Variants in COL23A1 observed in about 807,000 individuals in gnomAD.
The protein encoded by COL23A1 is collagen alpha-1(XXIII) chain.
In COL23A1, 97 loss-of-function variants were observed where a neutral mutation model predicts 99.3. The ratio of observed to expected loss-of-function variants is 0.98; its 90% CI spans 0.83 to 1.16. The LOEUF is 1.16. Among genes scored for constraint, COL23A1 ranks in the 50% most tolerant of loss-of-function variants. The pLI is 0.00. For synonymous variants in COL23A1, 320 were observed against 308.2 expected (o/e 1.04, Z -0.40); for missense variants, 762 against 757.4 (o/e 1.01, Z -0.07).
Position 178,562,019 on chromosome 5 carries a change from A to T in COL23A1, c.295-1271T>A, listed in dbSNP as rs1291222328. Reference sequence around the variant, plus strand: ...AGCGAAGCAGATCCTAAAACAGAAGAAGTTACCACGGTCAAAGTGTGTCTG... The same window carrying T: ...AGCGAAGCAGATCCTAAAACAGAAGTAGTTACCACGGTCAAAGTGTGTCTG... On this transcript the variant is annotated intron_variant, in intron 1 of 28. Coordinates refer to ENST00000390654, the MANE Select transcript of COL23A1 (RefSeq NM_173465.4). 4 of 510,194 alleles carry T rather than the reference A, an allele frequency of 7.8e-6. No individual in the cohort carries two copies. The East Asian group carries it at 1.5e-4, about 20-fold the overall frequency. The allele number at this position is 510,194 out of a possible 1,614,324, so 31.6% of individuals were successfully genotyped here.
In COL23A1 at chr5:178,306,202, A is replaced by C. The variant is rs945754585; in HGVS notation, c.406+673T>G. ...GCAGCCCAGACAGCCGGGACTGCCC[A>C]GCATGGGGGAGTGGCCAAGGGTGGG... On this transcript the variant is annotated intron_variant, in intron 3 of 28. Coordinates refer to ENST00000390654, the MANE Select transcript of COL23A1 (RefSeq NM_173465.4). This position sits in a 1 kb window ranked among gnomAD's most constrained non-coding sequence, Gnocchi z 4.1. Among the ~76,000 whole-genome samples the C allele has an allele frequency of 6.6e-6, 1 of 152,160 alleles. No individual in the cohort carries two copies. The highest frequency in any genetic ancestry group is 1.9e-4 in the East Asian group (1 of 5,180).
At chr5:178,575,458 C>T (rs1352565368) in intron 1 of COL23A1, among the ~76,000 whole-genome samples, 3 of 152,094 alleles carry the variant, frequency 2.0e-5, no homozygotes, top group Non-Finnish European at 2.9e-5. Flanking sequence ...GTTAATTTGC[C>T]GTTCACAACA....
At chr5:178,456,074 C>T (rs1464110397) in intron 2 of COL23A1, among the ~76,000 whole-genome samples, 3 of 152,162 alleles carry the variant, frequency 2.0e-5, no homozygotes, top group Non-Finnish European at 4.4e-5. Flanking sequence ...CAAACAATTT[C>T]GGGTACAATA....
Position 178,307,740 on chromosome 5 carries a change from C to T in COL23A1, c.362-821G>A, listed in dbSNP as rs1348931468. Among the ~76,000 whole-genome samples, 4 of 152,366 alleles carry T rather than the reference C, an allele frequency of 2.6e-5. No individual in the cohort carries two copies. The highest frequency in any genetic ancestry group is 4.8e-5 in the African/African-American group (2 of 41,572). Reference sequence around the variant, plus strand: ...TGCCATCCTTCCTGGCGCCCCTTCTCGCCCCTGTTTCAGTGAAGTTGGGTG... The same window carrying T: ...TGCCATCCTTCCTGGCGCCCCTTCTTGCCCCTGTTTCAGTGAAGTTGGGTG... On this transcript the variant is annotated intron_variant, in intron 2 of 28. Transcript: ENST00000390654. This position sits in a 1 kb window ranked among gnomAD's most constrained non-coding sequence, Gnocchi z 4.2.
intron 2 of COL23A1, among the ~76,000 whole-genome samples, chr5:178,336,942 G>C (rs1760353696): frequency 6.6e-6 from 1 of 152,116 alleles, no homozygotes; most frequent in Non-Finnish European, 1.5e-5. Flanking sequence ...CAAGGCCTCT[G>C]CTATACCGAG....
intron 2 of COL23A1, among the ~76,000 whole-genome samples, chr5:178,444,230 T>G (rs1335284045): frequency 6.6e-6 from 1 of 152,098 alleles, no homozygotes; most frequent in Non-Finnish European, 1.5e-5. Flanking sequence ...AAACAAGATA[T>G]AAAGAAAATG....
intron 1 of COL23A1, among the ~76,000 whole-genome samples, chr5:178,583,517 C>T (rs1262764331): frequency 6.6e-6 from 1 of 152,192 alleles, no homozygotes; most frequent in Non-Finnish European, 1.5e-5. Context: ...GCAGCTGAGC[C>T]TCGCCCATCG....
intron 2 of COL23A1, among the ~76,000 whole-genome samples, chr5:178,502,276 C>T (rs530872166): frequency 3.7e-4 from 57 of 152,240 alleles, no homozygotes; most frequent in South Asian, 6.2e-4. Context: ...GGACTACAGG[C>T]GCCCGCCACC....
intron 8 of COL23A1, 93 bp from the exon 9 acceptor site, chr5:178,263,417 C>T (rs1330185811): frequency 2.6e-6 from 2 of 768,870 alleles, no homozygotes; most frequent in Admixed American, 2.8e-5. Flanking sequence ...ACGCCATCCC[C>T]TTCCCCAGCC....
intron 2 of COL23A1, among the ~76,000 whole-genome samples, chr5:178,337,738 C>T (rs188896318): frequency 1.3e-5 from 2 of 151,828 alleles, no homozygotes; most frequent in Admixed American, 6.5e-5. Flanking sequence ...CAGACACCCC[C>T]CATCTTCCTG....
chr5:178,379,404 C>G (rs1581264455), intron 2 of COL23A1, among the ~76,000 whole-genome samples: 1 of 152,098 alleles, frequency 6.6e-6, no homozygotes, highest in South Asian at 2.1e-4. Context: ...GAGAAAGAGG[C>G]CTGGATGGAC....
intron 4 of COL23A1, among the ~76,000 whole-genome samples, chr5:178,289,836 C>A (rs1757360564): frequency 6.6e-6 from 1 of 152,224 alleles, no homozygotes; most frequent in Non-Finnish European, 1.5e-5. Flanking sequence ...GCGAACAGGT[C>A]AAGCCTGTGG....
intron 2 of COL23A1, among the ~76,000 whole-genome samples, chr5:178,423,665 G>A (rs932012886): frequency 3.3e-5 from 5 of 152,130 alleles, no homozygotes; most frequent in East Asian, 1.9e-4. Flanking sequence ...GCCCTGGCAC[G>A]TCCCCTCTCC....
intron 2 of COL23A1, among the ~76,000 whole-genome samples, chr5:178,364,621 G>T (rs1762363012): frequency 6.6e-6 from 1 of 152,148 alleles, no homozygotes; most frequent in Non-Finnish European, 1.5e-5. Context: ...TATAGTTCTA[G>T]AAGGGTGGTC....
intron 27 of COL23A1, 74 bp from the exon 28 acceptor site, chr5:178,239,253 G>C (rs373085209): frequency 6.5e-7 from 1 of 1,542,040 alleles, no homozygotes; most frequent in Admixed American, 1.7e-5. Flanking sequence ...GCCCTCCCCT[G>C]GTCTGTAGGG....
chr5:178,262,252 C>T lies in COL23A1; in HGVS notation c.640G>A (p.Gly214Ser), dbSNP rs1031782804. The T allele has an allele frequency of 5.1e-6, 8 of 1,581,068 alleles. No homozygotes were observed. Among genetic ancestry groups the T allele is most frequent in the Non-Finnish European group, 6.9e-6 (8 of 1,163,114 alleles). ...DGPRGAQGPA[G>S]PKGEPGQDGE... Reference sequence around the variant, plus strand: ...TCTTGTCCGGGCTCTCCTTTGGGGCCCTGCGGAAGTGTGAGGGGACAGCAG... The same window carrying T: ...TCTTGTCCGGGCTCTCCTTTGGGGCTCTGCGGAAGTGTGAGGGGACAGCAG... The change falls in exon 10 of 29, where the codon GGC becomes AGC. Residue 214 changes from glycine to serine, a missense_variant and splice_region_variant. By Grantham distance (56) the Gly-to-Ser change is moderately conservative. Transcript: ENST00000390654.
chr5:178,345,072 C>A, intron 2 of COL23A1: 2 of 587,776 alleles, frequency 3.4e-6, no homozygotes, highest in Admixed American at 4.0e-5. Context: ...GTTAAAGAAG[C>A]TTTTGGTTCA....
At chr5:178,585,516 GT>G (rs1562114838) in intron 1 of COL23A1, among the ~76,000 whole-genome samples, 13 of 8,304 alleles carry the variant, frequency 1.6e-3, no homozygotes, top group Non-Finnish European at 1.9e-3. Context: ...AACACTCCAC[GT>G]CCCTGGATGA....
chr5:178,451,999 C>A (rs962576595), intron 2 of COL23A1, among the ~76,000 whole-genome samples: 1 of 151,926 alleles, frequency 6.6e-6, no homozygotes, highest in East Asian at 1.9e-4. Context: ...AGTTTGTGGG[C>A]AAACTTATTC....
Sources: allele counts gnomAD v4.1 joint callset (sites outside exome capture counted in the v4.1 genomes callset), GRCh38; gene constraint gnomAD v4.1.1; non-coding constraint Gnocchi (gnomAD v3.1); transcripts MANE v1.5; gene names NCBI Gene and HGNC (gene_info 2026-07-23, HGNC 2026-07-21).